Variants in ABCA12 observed in about 807,000 individuals in gnomAD.
ABCA12 encodes ATP binding cassette subfamily A member 12, also known as glucosylceramide transporter ABCA12.
A neutral mutation model predicts 293.5 loss-of-function variants in ABCA12; 156 were observed. The observed-to-expected ratio is 0.53, with a 90% CI of 0.47 to 0.61. ABCA12 has a LOEUF of 0.61. Ranked by LOEUF, ABCA12 falls within the 20% of genes least tolerant of loss-of-function variation. The pLI, the probability that ABCA12 is intolerant of heterozygous loss-of-function variation, is 0.00. For synonymous variants in ABCA12, 1,063 were observed against 1,108.0 expected (o/e 0.96, Z 0.81); for missense variants, 2,797 against 3,090.2 (o/e 0.91, Z 2.25).
At position 215,000,921 on chromosome 2, in the gene ABCA12, C is replaced by G. The variant is rs764583079; in HGVS notation, c.2963G>C (p.Ser988Thr). Residue 988 changes from serine to threonine, a missense_variant, in exon 22 of 53, where the codon AGT (serine) becomes ACT (threonine). Transcript: ENST00000272895. ...TCTTGTGGTCTGTGCGGTCTTGAGA[C>G]TCATCCGGATGGTATATTTTATGAC... ...PPVIKYTIRM[S>T]LKTAQTTRSL... The G allele has an allele frequency of 6.2e-7, 1 of 1,613,978 alleles. No individual in the cohort carries two copies. Among genetic ancestry groups the G allele is most frequent in the Non-Finnish European group, 8.5e-7 (1 of 1,179,996 alleles).
intron 3 of ABCA12, among the ~76,000 whole-genome samples, chr2:215,063,257 T>C (rs1222709270): frequency 1.3e-5 from 2 of 152,140 alleles, no homozygotes; most frequent in East Asian, 1.9e-4. Context: ...GGAGAAATTG[T>C]GCTACATGCT....
chr2:214,974,668 AG>A, intron 35 of ABCA12, 109 bp downstream of exon 35: 1 of 1,018,966 alleles, frequency 9.8e-7, no homozygotes, highest in Non-Finnish European at 1.6e-6. Context: ...GATTTCTATC[AG>A]GGTACAGCTT....
intron 1 of ABCA12, among the ~76,000 whole-genome samples, chr2:215,133,251 C>A (rs554752376): frequency 2.3e-5 from 3 of 129,160 alleles, no homozygotes; most frequent in Middle Eastern, 5.3e-3. Context: ...TGTATGAACT[C>A]TCACAAGTGT....
chr2:215,008,348 C>G (rs1484147693), intron 18 of ABCA12, among the ~76,000 whole-genome samples: 1 of 151,858 alleles, frequency 6.6e-6, no homozygotes, highest in African/African-American at 2.4e-5. Flanking sequence ...CTACATAAAA[C>G]CGATACACAA....
chr2:215,100,638 T>C (rs776756073), intron 2 of ABCA12, among the ~76,000 whole-genome samples: 2 of 152,214 alleles, frequency 1.3e-5, no homozygotes, highest in Non-Finnish European at 2.9e-5. Context: ...AAATATATTA[T>C]GGCCCATAAT....
intron 41 of ABCA12, 22 bp from the exon 42 acceptor site, chr2:214,956,800 T>C (rs1053021428): frequency 6.6e-7 from 1 of 1,512,446 alleles, no homozygotes; most frequent in Non-Finnish European, 9.2e-7. Context: ...TTCAAAACAA[T>C]GTTTAATACG....
chr2:214,959,087 C>G lies in ABCA12; in HGVS notation c.5885-9G>C. Reference sequence around the variant, plus strand: ...GCTATACATGATGATGCCTTAAAGACGAAACAGTTCTTCTATTAGTAGGTA... The same window carrying G: ...GCTATACATGATGATGCCTTAAAGAGGAAACAGTTCTTCTATTAGTAGGTA... On this transcript the variant is annotated splice_polypyrimidine_tract_variant and intron_variant, in intron 39 of 52. Coordinates refer to ENST00000272895, the MANE Select transcript of ABCA12 (RefSeq NM_173076.3). 1 of 1,612,756 alleles carries G rather than the reference C, an allele frequency of 6.2e-7. No individual in the cohort carries two copies. Among genetic ancestry groups the G allele is most frequent in the Non-Finnish European group, 8.5e-7 (1 of 1,178,898 alleles).
chr2:215,133,600 T>C (rs1233636767), intron 1 of ABCA12, among the ~76,000 whole-genome samples: 1 of 152,118 alleles, frequency 6.6e-6, no homozygotes, highest in African/African-American at 2.4e-5. Context: ...ATTTCTTCAT[T>C]ATTTCATTAT....
intron 37 of ABCA12, among the ~76,000 whole-genome samples, chr2:214,969,034 A>G (rs1282839278): frequency 6.6e-6 from 1 of 152,068 alleles, no homozygotes; most frequent in Non-Finnish European, 1.5e-5. Context: ...AAACAATTGC[A>G]TATGTTTAGT....
chr2:215,114,556 G>C (rs1244709395), intron 1 of ABCA12, among the ~76,000 whole-genome samples: 1 of 152,080 alleles, frequency 6.6e-6, no homozygotes, highest in African/African-American at 2.4e-5. Flanking sequence ...TAGGAGGCCA[G>C]GATTCTTTTT....
At position 215,138,516 on chromosome 2, in the gene ABCA12, C is replaced by A; in HGVS notation, c.-308G>T. 1 of 389,540 alleles carries A rather than the reference C, an allele frequency of 2.6e-6. No homozygotes were observed. The highest frequency in any genetic ancestry group is 4.9e-6 in the Non-Finnish European group (1 of 205,878). The allele number at this position is 389,540 out of a possible 1,614,324, so 24.1% of individuals were successfully genotyped here. A position where few individuals can be genotyped will look rare whatever the true frequency, so the allele number is the denominator to read the frequency against. On this transcript the variant is annotated 5_prime_UTR_variant, in exon 1 of 53. Coordinates refer to ENST00000272895, the MANE Select transcript of ABCA12 (RefSeq NM_173076.3). ...CAGTTGCTGCTTGTTGCACGAAGTCCAGACTCAAGAGAGAATGAGCATCAT... is the reference window on the plus strand; with the variant it reads ...CAGTTGCTGCTTGTTGCACGAAGTCAAGACTCAAGAGAGAATGAGCATCAT...
intron 18 of ABCA12, 80 bp downstream of exon 18, chr2:215,010,251 A>T: frequency 6.6e-7 from 1 of 1,519,214 alleles, no homozygotes; most frequent in South Asian, 1.1e-5. Context: ...GAAATCAGTC[A>T]GCTAAAGTAA....
intron 45 of ABCA12, among the ~76,000 whole-genome samples, 185 bp from the exon 46 acceptor site, chr2:214,949,334 ATTC>A (rs1235129979): frequency 1.3e-5 from 2 of 150,832 alleles, no homozygotes; most frequent in African/African-American, 2.4e-5. Context: ...GATACCATGT[ATTC>A]TTTTTCCTTT....
Position 214,931,678 on chromosome 2 carries a change from C to T in ABCA12, c.*956G>A, listed in dbSNP as rs974786803. ...CTTTCCCCAGGGCCACGTCACTTGC[C>T]ATTATTAAGAAGTCTATCCTATAGC... On this transcript the variant is annotated 3_prime_UTR_variant, in exon 53 of 53. Transcript: ENST00000272895. The T allele has an allele frequency of 2.6e-5, 4 of 152,622 alleles. No individual in the cohort carries two copies. Among genetic ancestry groups the T allele is most frequent in the African/African-American group, 9.7e-5 (4 of 41,430 alleles). 9.5% of individuals were successfully genotyped at this position (152,622 alleles called of 1,614,324 possible).
chr2:215,101,059 A>G (rs1246024944), intron 2 of ABCA12, among the ~76,000 whole-genome samples: 3 of 152,204 alleles, frequency 2.0e-5, no homozygotes, highest in Non-Finnish European at 1.5e-5. Flanking sequence ...ACGTGTCTTC[A>G]ATATAAGACA....
chr2:215,111,090 T>C (rs886281588), intron 2 of ABCA12, among the ~76,000 whole-genome samples: 1 of 152,236 alleles, frequency 6.6e-6, no homozygotes, highest in South Asian at 2.1e-4. Flanking sequence ...AATTACTAAA[T>C]GTAACTGAAA....
intron 7 of ABCA12, among the ~76,000 whole-genome samples, chr2:215,039,385 C>T (rs552674345): frequency 6.6e-6 from 1 of 152,236 alleles, no homozygotes; most frequent in Non-Finnish European, 1.5e-5. Context: ...ACACTGTCAG[C>T]TTTATCATAA....
chr2:215,001,457 C>A (rs1441509809), intron 21 of ABCA12, 101 bp downstream of exon 21: 4 of 1,450,442 alleles, frequency 2.8e-6, no homozygotes, highest in Non-Finnish European at 3.9e-6. Context: ...ACCTAAGGAC[C>A]CCCACACTAG....
intron 47 of ABCA12, chr2:214,947,824 G>A: frequency 2.3e-6 from 1 of 442,608 alleles, no homozygotes; most frequent in South Asian, 2.2e-5. Flanking sequence ...TACAATTGCA[G>A]ATTGAACTTT....
Sources: allele counts gnomAD v4.1 joint callset (sites outside exome capture counted in the v4.1 genomes callset), GRCh38; gene constraint gnomAD v4.1.1; transcripts MANE v1.5; gene names NCBI Gene and HGNC (gene_info 2026-07-23, HGNC 2026-07-21).